Variants in CTNNA2 observed in about 807,000 individuals in gnomAD.
CTNNA2 encodes catenin alpha-2.
Under a neutral mutation model 101.0 loss-of-function variants are expected in CTNNA2, and 42 were observed. The observed-to-expected ratio is 0.42, with a 90% CI of 0.32 to 0.54. CTNNA2 has a LOEUF of 0.54. CTNNA2 is among the 20% of genes least tolerant of loss of function. The pLI, the probability that CTNNA2 is intolerant of heterozygous loss-of-function variation, is 0.14. For missense variants in CTNNA2, 871 were observed against 1,223.1 expected, an observed-to-expected ratio of 0.71 and a Z score of 4.29; for synonymous variants, 450 against 456.4, an observed-to-expected ratio of 0.99 and a Z score of 0.18.
intron 1 of CTNNA2, among the ~76,000 whole-genome samples, chr2:79,533,290 A>G (rs138229616): frequency 2.7e-3 from 407 of 152,256 alleles, no homozygotes; most frequent in Non-Finnish European, 4.5e-3. Flanking sequence ...AGCAGGGATA[A>G]GCTTTATTCA....
At chr2:80,418,613 A>G (rs2149405080) in intron 8 of CTNNA2, among the ~76,000 whole-genome samples, 1 of 152,328 alleles carries the variant, frequency 6.6e-6, no homozygotes, top group African/African-American at 2.4e-5. Context: ...TCATCCTATC[A>G]AGAGATTCAC....
At chr2:79,868,704 C>A (rs530216567) in intron 4 of CTNNA2, among the ~76,000 whole-genome samples, 1 of 152,224 alleles carries the variant, frequency 6.6e-6, no homozygotes, top group South Asian at 2.1e-4. Flanking sequence ...GTATTTTTTG[C>A]ATTTCTCATT....
At chr2:80,644,567 T>C (rs1275011731) in intron 18 of CTNNA2, among the ~76,000 whole-genome samples, 1 of 152,158 alleles carries the variant, frequency 6.6e-6, no homozygotes, top group Admixed American at 6.6e-5. Flanking sequence ...AGAAACCCAT[T>C]TTTAAATTGG....
At chr2:79,648,718 G>A (rs1332222737) in intron 1 of CTNNA2, among the ~76,000 whole-genome samples, 1 of 152,044 alleles carries the variant, frequency 6.6e-6, no homozygotes, top group Non-Finnish European at 1.5e-5. Context: ...TTAGAGGTGG[G>A]GATTTTGCGG....
At chr2:79,656,144 T>A (rs1681601058) in intron 2 of CTNNA2, among the ~76,000 whole-genome samples, 1 of 152,186 alleles carries the variant, frequency 6.6e-6, no homozygotes, top group South Asian at 2.1e-4. Context: ...CTTATGATAT[T>A]ACTTCCCTAC....
At chr2:80,435,734 T>C (rs893822357) in intron 9 of CTNNA2, among the ~76,000 whole-genome samples, 1 of 152,194 alleles carries the variant, frequency 6.6e-6, no homozygotes, top group African/African-American at 2.4e-5. Context: ...AGAGCGGACA[T>C]AGTTCATACT....
intron 9 of CTNNA2, among the ~76,000 whole-genome samples, chr2:80,538,209 A>C (rs1691220003): frequency 6.6e-6 from 1 of 152,154 alleles, no homozygotes; most frequent in Non-Finnish European, 1.5e-5. Context: ...TTTGTTGTGC[A>C]GAAGCTCTTT....
chr2:80,645,059 T>C (rs557887412), intron 18 of CTNNA2, among the ~76,000 whole-genome samples: 1 of 152,322 alleles, frequency 6.6e-6, no homozygotes, highest in East Asian at 1.9e-4. Flanking sequence ...TTGGGGACCA[T>C]TTAATAATAC....
chr2:80,536,173 G>A (rs530241324), intron 9 of CTNNA2, among the ~76,000 whole-genome samples: 89 of 152,244 alleles, frequency 5.8e-4, no homozygotes, highest in South Asian at 1.0e-3. Flanking sequence ...TAACATCTTC[G>A]TGTGTACTAA....
intron 3 of CTNNA2, among the ~76,000 whole-genome samples, chr2:79,840,914 C>A (rs961021061): frequency 6.6e-6 from 1 of 152,086 alleles, no homozygotes. Flanking sequence ...GGACTACAGG[C>A]GCCCGCCACG....
chr2:80,493,911 T>C (rs938365229), intron 9 of CTNNA2, among the ~76,000 whole-genome samples: 2 of 152,172 alleles, frequency 1.3e-5, no homozygotes, highest in African/African-American at 4.8e-5. Context: ...GAGAGAGTGT[T>C]CAAAGAAGTG....
intron 1 of CTNNA2, among the ~76,000 whole-genome samples, chr2:79,642,905 A>G (rs1371452036): frequency 1.3e-5 from 2 of 152,066 alleles, no homozygotes; most frequent in Non-Finnish European, 2.9e-5. Context: ...TAAAAAAAAA[A>G]TTAACAGGCC....
intron 18 of CTNNA2, among the ~76,000 whole-genome samples, chr2:80,638,884 C>T (rs749646493): frequency 2.1e-4 from 32 of 152,174 alleles, no homozygotes; most frequent in Non-Finnish European, 1.8e-4. Flanking sequence ...CTCAGCAAGG[C>T]TGTGGAGAAT....
intron 4 of CTNNA2, among the ~76,000 whole-genome samples, chr2:79,379,420 T>C (rs561700704): frequency 1.3e-5 from 2 of 152,226 alleles, no homozygotes; most frequent in Non-Finnish European, 2.9e-5. Context: ...GTCTGTGTTA[T>C]GTGGCCATCC....
intron 2 of CTNNA2, among the ~76,000 whole-genome samples, chr2:79,733,108 A>G (rs1453939116): frequency 2.0e-5 from 3 of 152,114 alleles, no homozygotes; most frequent in African/African-American, 7.2e-5. Context: ...CTCCACTAAC[A>G]ATTACAAATA....
intron 7 of CTNNA2, among the ~76,000 whole-genome samples, chr2:80,185,492 GAC>G (rs144400149): frequency 0.01 from 1,560 of 152,284 alleles, 24 homozygotes; most frequent in African/African-American, 0.036. Context: ...ATCACTGGGA[GAC>G]ATTTCAGAAA....
At chr2:80,314,987 T>G (rs891064337) in intron 7 of CTNNA2, among the ~76,000 whole-genome samples, 6 of 152,214 alleles carry the variant, frequency 3.9e-5, no homozygotes, top group African/African-American at 1.4e-4. Context: ...TCTGGGCAAG[T>G]GACTTAACCC....
At chr2:79,363,775 G>A (rs534572795) in intron 3 of CTNNA2, among the ~76,000 whole-genome samples, 18 of 152,248 alleles carry the variant, frequency 1.2e-4, no homozygotes, top group Admixed American at 4.6e-4. Flanking sequence ...TTACAGGCCC[G>A]AGGAGCAAAC....
At chr2:79,508,380 G>C (rs944062665), upstream of CTNNA2, among the ~76,000 whole-genome samples, 3 of 152,092 alleles carry the variant, frequency 2.0e-5, no homozygotes, top group African/African-American at 7.2e-5. Context: ...ACAATTGAGA[G>C]TAAAATGACA....
Sources: gnomAD v4.1 joint callset for allele counts (sites outside exome capture counted in the v4.1 genomes callset) on GRCh38, gnomAD v4.1.1 for gene constraint, MANE v1.5 for transcripts, NCBI Gene and HGNC (gene_info 2026-07-23, HGNC 2026-07-21) for gene names.